LOXHD1: variants seen among roughly 807,000 people sequenced by gnomAD.
The protein encoded by LOXHD1 is lipoxygenase homology PLAT domains 1, also known as lipoxygenase homology domain-containing protein 1.
In LOXHD1, 205 loss-of-function variants were observed where a neutral mutation model predicts 248.2. That is an observed-to-expected ratio of 0.83 (90% confidence interval 0.74 to 0.93). The LOEUF is 0.93. LOXHD1 is among the 40% of genes least tolerant of loss of function. The pLI is 0.00. For synonymous variants in LOXHD1, 1,113 were observed against 1,162.8 expected, an observed-to-expected ratio of 0.96 and a Z score of 0.87; for missense variants, 2,930 against 2,971.6, an observed-to-expected ratio of 0.99 and a Z score of 0.33.
intron 37 of LOXHD1, among the ~76,000 whole-genome samples, chr18:46,492,155 A>T (rs931084745): frequency 2.0e-5 from 3 of 152,200 alleles, no homozygotes; most frequent in African/African-American, 7.2e-5. Context: ...TTTGCTGATG[A>T]TGACAGCAGG....
At chr18:46,565,189 GGGA>G (rs1346104654) in intron 17 of LOXHD1, among the ~76,000 whole-genome samples, 4 of 151,914 alleles carry the variant, frequency 2.6e-5, no homozygotes, top group Non-Finnish European at 5.9e-5. Flanking sequence ...GCTTGAACCC[GGGA>G]GGAGGTTGCA....
chr18:46,569,768 C>G, intron 15 of LOXHD1, 130 bp from the exon 16 acceptor site: 2 of 711,458 alleles, frequency 2.8e-6, no homozygotes, highest in Non-Finnish European at 2.3e-6. Flanking sequence ...AATTGAAAAT[C>G]CAGGCTCCTG....
At chr18:46,504,506 G>A (rs927247015) in intron 37 of LOXHD1, among the ~76,000 whole-genome samples, 1 of 152,232 alleles carries the variant, frequency 6.6e-6, no homozygotes, top group Non-Finnish European at 1.5e-5. Flanking sequence ...CAAATGACTG[G>A]TGGGATACAC....
At chr18:46,649,091 G>A in intron 2 of LOXHD1, 64 bp downstream of exon 2, 2 of 1,381,898 alleles carry the variant, frequency 1.4e-6, no homozygotes, top group Non-Finnish European at 2.0e-6. Context: ...CCACCCTTGG[G>A]TCCCAGAACC....
chr18:46,582,297 T>C (rs1391564859), intron 12 of LOXHD1, among the ~76,000 whole-genome samples: 1 of 152,136 alleles, frequency 6.6e-6, no homozygotes. Context: ...AGAACAAACC[T>C]ATATTGGAAC....
chr18:46,602,449 AC>A (rs962219946), intron 7 of LOXHD1, among the ~76,000 whole-genome samples: 1 of 151,604 alleles, frequency 6.6e-6, no homozygotes, highest in Admixed American at 6.6e-5. Context: ...CAAGTGATCC[AC>A]CCCCCTCAGA....
intron 15 of LOXHD1, 124 bp downstream of exon 15, chr18:46,571,961 TC>T (rs1790438541): frequency 1.2e-6 from 1 of 806,110 alleles, no homozygotes; most frequent in Non-Finnish European, 2.0e-6. Context: ...AGCCTCCCTC[TC>T]CTCCCTCCCC....
chr18:46,576,070 C>T (rs975350910), intron 14 of LOXHD1, among the ~76,000 whole-genome samples: 4 of 152,158 alleles, frequency 2.6e-5, no homozygotes, highest in Admixed American at 2.0e-4. Context: ...GCCCCTGCAC[C>T]GTTGTGTGTT....
At chr18:46,547,919 A>G (rs1306683969) in intron 21 of LOXHD1, among the ~76,000 whole-genome samples, 1 of 152,216 alleles carries the variant, frequency 6.6e-6, no homozygotes, top group Non-Finnish European at 1.5e-5. Context: ...CTGAAATTCA[A>G]ACTTAACTGG....
At chr18:46,552,817 T>C (rs1344592701) in intron 21 of LOXHD1, among the ~76,000 whole-genome samples, 2 of 152,204 alleles carry the variant, frequency 1.3e-5, no homozygotes, top group African/African-American at 4.8e-5. Context: ...AGCCTCCCTT[T>C]CCGTTTTTCC....
intron 35 of LOXHD1, chr18:46,509,477 T>C: frequency 1.7e-6 from 1 of 589,186 alleles, no homozygotes. Context: ...TCTTGTTTAA[T>C]TACCTGACAG....
At chr18:46,579,054 T>C (rs548583989) in intron 13 of LOXHD1, among the ~76,000 whole-genome samples, 18 of 152,294 alleles carry the variant, frequency 1.2e-4, no homozygotes, top group Non-Finnish European at 2.2e-4. Context: ...AGAAGCAAGT[T>C]CTCCCACCCC....
chr18:46,625,561 A>G (rs11659868), intron 4 of LOXHD1, among the ~76,000 whole-genome samples: 13,151 of 152,196 alleles, frequency 0.086, 632 homozygotes, highest in East Asian at 0.14. Context: ...TTGTTGGGCT[A>G]CATTCAAAGC....
At chr18:46,502,309 C>A (rs551893764) in intron 37 of LOXHD1, among the ~76,000 whole-genome samples, 2 of 152,178 alleles carry the variant, frequency 1.3e-5, no homozygotes, top group East Asian at 1.9e-4. Context: ...AGGTTCATCC[C>A]GAGAAACAGG....
intron 18 of LOXHD1, among the ~76,000 whole-genome samples, chr18:46,562,846 C>T (rs1272131425): frequency 6.6e-6 from 1 of 152,154 alleles, no homozygotes; most frequent in Non-Finnish European, 1.5e-5. Flanking sequence ...CCCCAGGTGA[C>T]TGTAACATGA....
rs2038898428 is a variant in LOXHD1 at position 46,636,803 on chromosome 18, C to A, written c.511+2813G>T. ...GCCAAATACCAAGTTGACGTAATTT[C>A]AGGTGAAAAGCAAAGAAATTTAACT... On this transcript the variant is annotated intron_variant, in intron 4 of 40. Transcript: ENST00000642948. Among the ~76,000 whole-genome samples the A allele has an allele frequency of 2.0e-5, 3 of 152,206 alleles. No individual in the cohort carries two copies. In the South Asian group the frequency reaches 6.2e-4, roughly 31 times the overall value.
At chr18:46,507,823 G>C (rs1194376057) in intron 35 of LOXHD1, 111 bp from the exon 36 acceptor site, 1 of 1,199,802 alleles carries the variant, frequency 8.3e-7, no homozygotes, top group Non-Finnish European at 1.1e-6. Flanking sequence ...TCCCAGACCT[G>C]AGACAAGCGC....
intron 26 of LOXHD1, among the ~76,000 whole-genome samples, chr18:46,535,652 T>G (rs1007075119): frequency 1.3e-5 from 2 of 152,142 alleles, no homozygotes; most frequent in African/African-American, 4.8e-5. Flanking sequence ...CACGGCAACC[T>G]CCACCTCCTG....
In LOXHD1 at chr18:46,577,837, T is replaced by G. The variant is rs748774833; in HGVS notation, c.1840A>C (p.Met614Leu). The change falls in exon 14 of 41, where the codon ATG becomes CTG. Residue 614 changes from methionine to leucine, a missense_variant. Coordinates refer to ENST00000642948, the MANE Select transcript of LOXHD1 (RefSeq NM_001384474.1). Reference sequence around the variant, plus strand: ...ATCCTCACCCGCCTCACATTCCGCATGGTGACAGACTCGATAGTGAACTCG... The same window carrying G: ...ATCCTCACCCGCCTCACATTCCGCAGGGTGACAGACTCGATAGTGAACTCG... The part of the protein sequence containing the change: ...ADEFTIESVT[M>L]RNVRRVRIRH... 2 of 1,551,490 alleles carry G rather than the reference T, an allele frequency of 1.3e-6. No homozygotes were observed. The highest frequency in any genetic ancestry group is 1.7e-6 in the Non-Finnish European group (2 of 1,147,002).
Sources: allele counts gnomAD v4.1 joint callset (sites outside exome capture counted in the v4.1 genomes callset), GRCh38; gene constraint gnomAD v4.1.1; transcripts MANE v1.5; gene names NCBI Gene and HGNC (gene_info 2026-07-23, HGNC 2026-07-21).